The following KCNMB2 variants were observed in gnomAD, a reference collection of about 807,000 sequenced individuals.
KCNMB2 encodes calcium-activated potassium channel subunit beta-2.
Under a neutral mutation model 24.5 loss-of-function variants are expected in KCNMB2, and 9 were observed. The ratio of observed to expected loss-of-function variants is 0.37; its 90% CI spans 0.22 to 0.64. KCNMB2 has a LOEUF of 0.64. Among genes scored for constraint, KCNMB2 ranks in the 30% least tolerant of loss-of-function variants. The pLI is 0.63. For synonymous variants in KCNMB2, 109 were observed against 104.4 expected, an observed-to-expected ratio of 1.04 and a Z score of -0.27; for missense variants, 226 against 284.3, an observed-to-expected ratio of 0.79 and a Z score of 1.47.
intron 1 of KCNMB2, among the ~76,000 whole-genome samples, chr3:178,642,302 G>C (rs576111384): frequency 2.6e-5 from 4 of 152,098 alleles, no homozygotes; most frequent in Non-Finnish European, 5.9e-5. Context: ...ATAAGAAATG[G>C]GGTGAAAGTA....
intron 1 of KCNMB2, among the ~76,000 whole-genome samples, chr3:178,781,313 C>T (rs1014281784): frequency 4.6e-5 from 7 of 151,996 alleles, no homozygotes; most frequent in African/African-American, 1.4e-4. Flanking sequence ...GAATATATGA[C>T]GGGCACGGTG....
intron 1 of KCNMB2, among the ~76,000 whole-genome samples, chr3:178,781,468 T>C (rs1712835404): frequency 6.6e-6 from 1 of 152,106 alleles, no homozygotes; most frequent in South Asian, 2.1e-4. Flanking sequence ...GGCACACGCC[T>C]GTAATCCCAG....
intron 1 of KCNMB2, among the ~76,000 whole-genome samples, chr3:178,680,546 G>A (rs544554718): frequency 6.6e-6 from 1 of 152,060 alleles, no homozygotes; most frequent in Admixed American, 6.5e-5. Flanking sequence ...ACTGAAAAAA[G>A]AAATATTATA....
rs574194663 is a variant in KCNMB2 at position 178,630,421 on chromosome 3, A to G, written c.-68+93710A>G. On this transcript the variant is annotated intron_variant, in intron 1 of 4. Coordinates refer to ENST00000452583, the MANE Select transcript of KCNMB2 (RefSeq NM_181361.3). Reference sequence around the variant, plus strand: ...TGTTCCACATAAGAATTTTGGAACCATCACTAATGCCAAGGTCATGGACTG... The same window carrying G: ...TGTTCCACATAAGAATTTTGGAACCGTCACTAATGCCAAGGTCATGGACTG... Among the ~76,000 whole-genome samples, 13 of 152,378 alleles carry G rather than the reference A, an allele frequency of 8.5e-5. No homozygotes were observed. The South Asian group carries it at 1.0e-3, about 12-fold the overall frequency.
chr3:178,566,450 A>G (rs1716523883), intron 1 of KCNMB2, among the ~76,000 whole-genome samples: 1 of 152,084 alleles, frequency 6.6e-6, no homozygotes, highest in Admixed American at 6.6e-5. Context: ...ACACATACAC[A>G]CACACTCCTA....
chr3:178,758,526 GTATA>G (rs1269453179), intron 1 of KCNMB2, among the ~76,000 whole-genome samples: 874 of 12,590 alleles, frequency 0.069, 106 homozygotes, highest in South Asian at 0.19. Flanking sequence ...AAGAGGAGAT[GTATA>G]TATATATATA....
At chr3:178,689,836 C>A (rs142717639) in intron 1 of KCNMB2, among the ~76,000 whole-genome samples, 241 of 152,274 alleles carry the variant, frequency 1.6e-3, no homozygotes, top group African/African-American at 5.7e-3. Context: ...TCATACACTA[C>A]TCTGCAATAT....
intron 1 of KCNMB2, among the ~76,000 whole-genome samples, chr3:178,593,703 C>T (rs918119446): frequency 2.0e-5 from 3 of 151,452 alleles, no homozygotes; most frequent in Non-Finnish European, 4.4e-5. Context: ...CTACCAATTC[C>T]CCGGCCTTAG....
chr3:178,719,879 C>T (rs937822958), intron 1 of KCNMB2, among the ~76,000 whole-genome samples: 4 of 152,122 alleles, frequency 2.6e-5, no homozygotes, highest in African/African-American at 9.7e-5. Context: ...AAATCTCTGC[C>T]GTTTGCCCAG....
rs542837322 is a variant in KCNMB2 at position 178,825,567 on chromosome 3, C to A, written c.57-21C>A. ...CTGATTAACTAAACTTAATGTAAGA[C>A]CATATTGTTTTTAACCTCAGAAATA... On this transcript the variant is annotated intron_variant, in intron 2 of 4. Transcript: ENST00000452583. 1.9e-5 allele frequency: 31 copies of A among 1,601,304 alleles called. No homozygotes were observed. The East Asian group carries it at 6.0e-4, about 31-fold the overall frequency.
At chr3:178,729,440 TCTC>T (rs1443973926) in intron 1 of KCNMB2, 1 of 152,110 alleles carries the variant, frequency 6.6e-6, no homozygotes, top group Non-Finnish European at 1.5e-5. Flanking sequence ...ATCCCTGTCT[TCTC>T]CTTCTAATTT....
chr3:178,757,563 GATAT>G (rs58385520), intron 1 of KCNMB2, among the ~76,000 whole-genome samples: 7 of 34,562 alleles, frequency 2.0e-4, no homozygotes, highest in African/African-American at 8.7e-4. Context: ...TATCCAAGAG[GATAT>G]ATATATATGT....
intron 1 of KCNMB2, among the ~76,000 whole-genome samples, chr3:178,657,309 T>C (rs1012405004): frequency 2.0e-5 from 3 of 152,236 alleles, no homozygotes; most frequent in Admixed American, 2.0e-4. Flanking sequence ...CTCAAGGTTC[T>C]CTTTCATTGC....
At chr3:178,742,171 T>C (rs1178149407) in intron 1 of KCNMB2, among the ~76,000 whole-genome samples, 1 of 152,222 alleles carries the variant, frequency 6.6e-6, no homozygotes, top group African/African-American at 2.4e-5. Context: ...AGTAGAGCCA[T>C]TAAAACTACT....
intron 1 of KCNMB2, among the ~76,000 whole-genome samples, chr3:178,721,391 T>G (rs1256597990): frequency 6.6e-6 from 1 of 152,208 alleles, no homozygotes; most frequent in Non-Finnish European, 1.5e-5. Flanking sequence ...TTTGCTCTTG[T>G]TGTTGTTTGT....
At chr3:178,762,433 G>A (rs2108412972) in intron 1 of KCNMB2, among the ~76,000 whole-genome samples, 1 of 152,290 alleles carries the variant, frequency 6.6e-6, no homozygotes, top group East Asian at 1.9e-4. Flanking sequence ...CAACACAACA[G>A]CGTTAGAGAA....
At chr3:178,821,386 G>T (rs1272520258) in intron 2 of KCNMB2, among the ~76,000 whole-genome samples, 2 of 152,240 alleles carry the variant, frequency 1.3e-5, no homozygotes, top group Admixed American at 6.5e-5. Flanking sequence ...GTCTCAGGCT[G>T]TGAACACCCT....
At chr3:178,672,079 T>C (rs767243091) in intron 1 of KCNMB2, among the ~76,000 whole-genome samples, 2 of 152,194 alleles carry the variant, frequency 1.3e-5, no homozygotes, top group Non-Finnish European at 2.9e-5. Flanking sequence ...ACACCCTTTT[T>C]CTCTGAAGGA....
intron 1 of KCNMB2, among the ~76,000 whole-genome samples, chr3:178,629,472 C>T (rs1441095490): frequency 2.0e-5 from 3 of 152,016 alleles, no homozygotes; most frequent in African/African-American, 4.8e-5. Flanking sequence ...TAGGATGTTA[C>T]TTGGTTGGGG....
Sources: allele counts gnomAD v4.1 joint callset (sites outside exome capture counted in the v4.1 genomes callset), GRCh38; gene constraint gnomAD v4.1.1; transcripts MANE v1.5; gene names NCBI Gene and HGNC (gene_info 2026-07-23, HGNC 2026-07-21).